IL18RAP: variants seen among roughly 807,000 people sequenced by gnomAD.
The protein encoded by IL18RAP is interleukin-18 receptor accessory protein.
In IL18RAP, 37 loss-of-function variants were observed where a neutral mutation model predicts 58.1. The observed-to-expected ratio is 0.64, with a 90% CI of 0.49 to 0.84. The LOEUF is 0.84. IL18RAP is among the 40% of genes least tolerant of loss of function. The probability of loss-of-function intolerance (pLI) is 0.00; values close to 1 mark genes in which losing one functional copy is unlikely to be tolerated. For synonymous variants in IL18RAP, 268 were observed against 257.5 expected (o/e 1.04, Z -0.39); for missense variants, 667 against 704.8 (o/e 0.95, Z 0.61).
chr2:102,441,434 T>A, intron 5 of IL18RAP, 57 bp downstream of exon 5: 1 of 1,356,976 alleles, frequency 7.4e-7, no homozygotes, highest in Admixed American at 1.7e-5. Flanking sequence ...CAGGTCTAAG[T>A]GTGATAGAAG....
At chr2:102,451,651 G>C (rs1475441481) in intron 9 of IL18RAP, 115 bp from the exon 10 acceptor site, 2 of 815,798 alleles carry the variant, frequency 2.5e-6, no homozygotes, top group Non-Finnish European at 4.0e-6. Flanking sequence ...TACAGTGTAA[G>C]TGGTAGAGTA....
chr2:102,421,071 G>A (rs1681545040), upstream of IL18RAP, among the ~76,000 whole-genome samples: 3 of 152,182 alleles, frequency 2.0e-5, no homozygotes, highest in South Asian at 6.2e-4. Flanking sequence ...TCCTGAACAA[G>A]TCATTACTGA....
At chr2:102,434,217 G>A (rs922022574) in intron 3 of IL18RAP, 15 of 152,174 alleles carry the variant, frequency 9.9e-5, no homozygotes, top group African/African-American at 3.1e-4. Context: ...TACTTGTTCA[G>A]AACAGAATAT....
intron 9 of IL18RAP, 116 bp downstream of exon 9, chr2:102,451,137 T>C (rs111878467): frequency 1.3e-6 from 1 of 778,348 alleles, no homozygotes. Flanking sequence ...TACATGAGGT[T>C]AGAACATCTT....
At chr2:102,444,805 G>A (rs1683313728) in intron 6 of IL18RAP, among the ~76,000 whole-genome samples, 1 of 152,170 alleles carries the variant, frequency 6.6e-6, no homozygotes, top group Admixed American at 6.5e-5. Flanking sequence ...GTTCCTGGGA[G>A]GTGAGGAATG....
rs779669725 is a variant in IL18RAP at position 102,452,512 on chromosome 2, GTACA to G, written c.*334_*337del. 33 of 252,798 alleles carry G rather than the reference GTACA, an allele frequency of 1.3e-4. No homozygotes were observed. Among genetic ancestry groups the G allele is most frequent in the East Asian group, 4.6e-4 (6 of 12,966 alleles). 15.7% of individuals were successfully genotyped at this position (252,798 alleles called of 1,614,324 possible). On this transcript the variant is annotated 3_prime_UTR_variant, in exon 10 of 10. Coordinates refer to ENST00000687160, the MANE Select transcript of IL18RAP (RefSeq NM_001393487.1). ...GGAACTGTCATGTCTACCATGTATTGTACATATGACTTTATGTATACTTGCAATC... is the reference window on the plus strand; with the variant it reads ...GGAACTGTCATGTCTACCATGTATTGTATGACTTTATGTATACTTGCAATC...
In IL18RAP at chr2:102,424,099, A is replaced by T; in HGVS notation, c.359A>T (p.Asn120Ile). Residue 120 changes from asparagine (N) to isoleucine (I), a missense_variant, in exon 2 of 10, where the codon AAT (asparagine) becomes ATT (isoleucine). Transcript: ENST00000687160. ...TLHFLTPGVN[N>I]SGSYICRPKM... ...CACTTTTTGACCCCAGGGGTGAATAATTCTGGGTCATATATTTGTAGACCC... is the reference window on the plus strand; with the variant it reads ...CACTTTTTGACCCCAGGGGTGAATATTTCTGGGTCATATATTTGTAGACCC... 1 of 1,613,570 alleles carries T rather than the reference A, an allele frequency of 6.2e-7. No individual in the cohort carries two copies. The highest frequency in any genetic ancestry group is 1.3e-5 in the African/African-American group (1 of 75,044).
At position 102,447,077 on chromosome 2, in the gene IL18RAP, C is replaced by T; in HGVS notation, c.1080C>T (p.Leu360=). ...VQLKEKRGVV[L]LYILLGTIGT... is the part of the protein sequence containing the mutation. ...CTGGCCCTGTCTCCACAGTGGTGCTCCTGTACATCCTGCTTGGCACCATCG... is the reference window on the plus strand; with the variant it reads ...CTGGCCCTGTCTCCACAGTGGTGCTTCTGTACATCCTGCTTGGCACCATCG... Residue 360 remains leucine, a synonymous_variant, in exon 8 of 10, where the codon CTC becomes CTT. Transcript: ENST00000687160. The T allele has an allele frequency of 6.2e-7, 1 of 1,613,906 alleles. No homozygotes were observed. Among genetic ancestry groups the T allele is most frequent in the South Asian group, 1.1e-5 (1 of 91,060 alleles).
intron 8 of IL18RAP, 133 bp downstream of exon 8, chr2:102,447,340 C>A: frequency 9.9e-7 from 1 of 1,006,324 alleles, no homozygotes; most frequent in East Asian, 2.5e-5. Context: ...CTTCAAATGT[C>A]CCCTGCCAGC....
rs779675839 is a variant in IL18RAP at position 102,437,290 on chromosome 2, G to A, written c.658G>A (p.Val220Ile). 1.5e-5 allele frequency: 25 copies of A among 1,613,698 alleles called. No individual in the cohort carries two copies. In the East Asian group the frequency reaches 4.2e-4, roughly 27 times the overall value. ...EVYDYHQGTY[V>I]CDYTQSDTVS... Reference sequence around the variant, plus strand: ...TTATGACTATCACCAGGGCACATATGTATGTGATTACACTCAGTCGGATAC... The same window carrying A: ...TTATGACTATCACCAGGGCACATATATATGTGATTACACTCAGTCGGATAC... Residue 220 changes from valine (V) to isoleucine (I), a missense_variant, in exon 4 of 10, where the codon GTA becomes ATA. Val to Ile is a conservative substitution (Grantham distance 29). Coordinates refer to ENST00000687160, the MANE Select transcript of IL18RAP (RefSeq NM_001393487.1).
At chr2:102,451,696 C>T (rs917998) in intron 9 of IL18RAP, 70 bp from the exon 10 acceptor site, 94,663 of 1,261,280 alleles carry the variant, frequency 0.075, 4,135 homozygotes, top group Non-Finnish European at 0.085. Context: ...TAAGAGAATC[C>T]ATTGCAAGGA....
At position 102,423,931 on chromosome 2, in the gene IL18RAP, C is replaced by A. The variant is rs1681750553; in HGVS notation, c.191C>A (p.Pro64Gln). Residue 64 changes from proline to glutamine, a missense_variant, in exon 2 of 10, where the codon CCA becomes CAA. By Grantham distance (76) the Pro-to-Gln change is moderately conservative. Coordinates refer to ENST00000687160, the MANE Select transcript of IL18RAP (RefSeq NM_001393487.1). ...TTCTGCCACAGAAATCGACTCTCAC[C>A]AAAACAAGTCCCTGAGCACCTGCCC... is the stretch of plus-strand genomic sequence containing the variant. ...SHFCHRNRLS[P>Q]KQVPEHLPFM... 6.2e-7 allele frequency: 1 copy of A among 1,613,968 alleles called. No homozygotes were observed. The highest frequency in any genetic ancestry group is 8.5e-7 in the Non-Finnish European group (1 of 1,179,972).
chr2:102,435,804 G>A (rs1218487696), intron 3 of IL18RAP, among the ~76,000 whole-genome samples: 2 of 151,574 alleles, frequency 1.3e-5, no homozygotes, highest in Non-Finnish European at 2.9e-5. Flanking sequence ...TCTTCTCCCT[G>A]CTTCACATAT....
At chr2:102,437,110 C>G in intron 3 of IL18RAP, 102 bp from the exon 4 acceptor site, 2 of 1,074,986 alleles carry the variant, frequency 1.9e-6, no homozygotes, top group South Asian at 3.3e-5. Context: ...TCAGATTGAC[C>G]TTCTTCCTCC....
At chr2:102,444,855 C>T (rs1683317314) in intron 6 of IL18RAP, among the ~76,000 whole-genome samples, 1 of 152,144 alleles carries the variant, frequency 6.6e-6, no homozygotes, top group Non-Finnish European at 1.5e-5. Context: ...AGAAGAGGGA[C>T]TGATACATAG....
At chr2:102,441,570 G>A (rs1033419983) in intron 5 of IL18RAP, among the ~76,000 whole-genome samples, 193 bp downstream of exon 5, 1 of 152,288 alleles carries the variant, frequency 6.6e-6, no homozygotes, top group Admixed American at 6.5e-5. Context: ...TCCGCAAATA[G>A]CTATCATAAA....
intron 3 of IL18RAP, among the ~76,000 whole-genome samples, chr2:102,436,875 GC>G (rs1682783845): frequency 1.3e-5 from 2 of 151,538 alleles, no homozygotes; most frequent in South Asian, 4.2e-4. Context: ...TTCAGTTTCA[GC>G]CCTTAGAACA....
intron 4 of IL18RAP, 28 bp downstream of exon 4, chr2:102,437,390 G>C (rs1178441375): frequency 6.2e-7 from 1 of 1,600,078 alleles, no homozygotes; most frequent in East Asian, 2.2e-5. Context: ...CTCAAGATTT[G>C]AGATCTGAGC....
chr2:102,447,695 T>TATTC (rs1025139235), intron 8 of IL18RAP, among the ~76,000 whole-genome samples: 2 of 145,648 alleles, frequency 1.4e-5, no homozygotes, highest in Non-Finnish European at 3.0e-5. Flanking sequence ...ACACATTTAG[T>TATTC]ATTCATTCAT....
Sources: gnomAD v4.1 joint callset for allele counts (sites outside exome capture counted in the v4.1 genomes callset) on GRCh38, gnomAD v4.1.1 for gene constraint, MANE v1.5 for transcripts, NCBI Gene and HGNC (gene_info 2026-07-23, HGNC 2026-07-21) for gene names.